Variants in TMEM163 observed in about 807,000 individuals in gnomAD.
TMEM163 encodes transmembrane protein 163.
A neutral mutation model predicts 29.3 loss-of-function variants in TMEM163; 17 were observed. The ratio of observed to expected loss-of-function variants is 0.58; its 90% CI spans 0.40 to 0.87. The LOEUF is 0.87. Ranked by LOEUF, TMEM163 falls within the 40% of genes least tolerant of loss-of-function variation. The pLI, the probability that TMEM163 is intolerant of heterozygous loss-of-function variation, is 0.00. For missense variants in TMEM163, 303 were observed against 381.5 expected (o/e 0.79, Z 1.71); for synonymous variants, 157 against 160.6 (o/e 0.98, Z 0.17).
intron 2 of TMEM163, among the ~76,000 whole-genome samples, chr2:134,597,047 T>C (rs1255991306): frequency 6.6e-6 from 1 of 152,234 alleles, no homozygotes; most frequent in Non-Finnish European, 1.5e-5. Context: ...TATACAATCA[T>C]GTCATCTGCA....
intron 4 of TMEM163, among the ~76,000 whole-genome samples, chr2:134,542,664 G>C: frequency 6.6e-6 from 1 of 152,182 alleles, no homozygotes; most frequent in East Asian, 1.9e-4. Context: ...ACCCCAGTCC[G>C]CGGAAAAATT....
At chr2:134,556,177 G>C (rs1241328409) in intron 2 of TMEM163, among the ~76,000 whole-genome samples, 1 of 152,120 alleles carries the variant, frequency 6.6e-6, no homozygotes, top group Non-Finnish European at 1.5e-5. Flanking sequence ...GACTCCCGAA[G>C]ACAGACTGAA....
chr2:134,677,712 A>T (rs1684146042), intron 2 of TMEM163, among the ~76,000 whole-genome samples: 1 of 152,252 alleles, frequency 6.6e-6, no homozygotes, highest in African/African-American at 2.4e-5. Context: ...TGAGATACAG[A>T]AGAGTAGAGG....
At chr2:134,656,763 A>G (rs1683629991) in intron 2 of TMEM163, among the ~76,000 whole-genome samples, 1 of 152,196 alleles carries the variant, frequency 6.6e-6, no homozygotes, top group Admixed American at 6.5e-5. Context: ...TTTGAGATAT[A>G]TCCCTTCAGT....
rs75309180 is a variant in TMEM163, at chr2:134,497,613, C to T, written c.555+5288G>A. On this transcript the variant is annotated intron_variant, in intron 5 of 7. Transcript: ENST00000281924. ...TCATCTTCTTCCTTTGTAAAGCGTG[C>T]GACTGTTTATAAAGCATTTCTACAT... Among the ~76,000 whole-genome samples the T allele has an allele frequency of 1.2e-3, 190 of 152,276 alleles. 5 individuals are homozygous for T. In the East Asian group the frequency reaches 0.034, roughly 27 times the overall value.
intron 5 of TMEM163, among the ~76,000 whole-genome samples, chr2:134,485,298 T>C (rs1679283180): frequency 6.6e-6 from 1 of 152,220 alleles, no homozygotes; most frequent in African/African-American, 2.4e-5. Context: ...ATGTAATGCA[T>C]TGAATACTGT....
intron 2 of TMEM163, among the ~76,000 whole-genome samples, chr2:134,700,187 A>G (rs1266198372): frequency 1.3e-5 from 2 of 152,130 alleles, no homozygotes; most frequent in South Asian, 2.1e-4. Flanking sequence ...TCTGCTGTCT[A>G]CTGATTAAGG....
At chr2:134,458,541 A>G (rs186184540) in intron 6 of TMEM163, 11 of 205,340 alleles carry the variant, frequency 5.4e-5, no homozygotes, top group Non-Finnish European at 8.1e-5. Context: ...CTCACAGTAG[A>G]CATTCAAATA....
chr2:134,626,230 G>A (rs112868946), intron 2 of TMEM163, among the ~76,000 whole-genome samples: 9 of 148,764 alleles, frequency 6.0e-5, no homozygotes, highest in South Asian at 2.2e-4. Context: ...TCAGCCTCCC[G>A]AGTAACTGGC....
chr2:134,489,652 T>C (rs57504074), intron 5 of TMEM163, among the ~76,000 whole-genome samples: 12,346 of 152,176 alleles, frequency 0.081, 775 homozygotes, highest in East Asian at 0.26. Flanking sequence ...TTATAGTTCC[T>C]ATGATATGAT....
At chr2:134,546,300 A>G (rs867901017) in intron 4 of TMEM163, among the ~76,000 whole-genome samples, 2 of 152,318 alleles carry the variant, frequency 1.3e-5, no homozygotes, top group Admixed American at 6.5e-5. Flanking sequence ...ATGTCCATCG[A>G]TGGATGAATG....
chr2:134,681,423 C>T (rs565027947), intron 2 of TMEM163, among the ~76,000 whole-genome samples: 1 of 152,198 alleles, frequency 6.6e-6, no homozygotes, highest in African/African-American at 2.4e-5. Flanking sequence ...CTCAGCCAAC[C>T]ACTGGCAATT....
intron 2 of TMEM163, among the ~76,000 whole-genome samples, chr2:134,648,121 T>C (rs534536792): frequency 1.3e-5 from 2 of 152,044 alleles, no homozygotes; most frequent in Admixed American, 1.3e-4. Context: ...TTATTGGCGA[T>C]GAAAGTGGCT....
chr2:134,645,044 G>A (rs1683303791), intron 2 of TMEM163, among the ~76,000 whole-genome samples: 1 of 152,168 alleles, frequency 6.6e-6, no homozygotes, highest in South Asian at 2.1e-4. Context: ...TTAGGGAAAT[G>A]CAAACTAAAA....
chr2:134,565,498 C>T (rs910288254), intron 2 of TMEM163, among the ~76,000 whole-genome samples: 3 of 151,008 alleles, frequency 2.0e-5, no homozygotes, highest in African/African-American at 7.3e-5. Flanking sequence ...CCCAGCTACT[C>T]GGGAGGCTGA....
chr2:134,693,491 C>A (rs1684517668), intron 2 of TMEM163, among the ~76,000 whole-genome samples: 1 of 151,808 alleles, frequency 6.6e-6, no homozygotes, highest in Non-Finnish European at 1.5e-5. Context: ...TGCCTGTAAT[C>A]CTGGCTACTC....
chr2:134,587,032 C>T (rs1011888123), intron 2 of TMEM163, among the ~76,000 whole-genome samples: 3 of 151,704 alleles, frequency 2.0e-5, no homozygotes, highest in Non-Finnish European at 4.4e-5. Flanking sequence ...AAGATCTCAT[C>T]TGTGAGTCCT....
At chr2:134,678,695 G>A (rs1294795498) in intron 2 of TMEM163, among the ~76,000 whole-genome samples, 1 of 152,196 alleles carries the variant, frequency 6.6e-6, no homozygotes, top group African/African-American at 2.4e-5. Flanking sequence ...CAGGTCGACT[G>A]GGCTGCAAGT....
chr2:134,561,670 C>T (rs1011564868), intron 2 of TMEM163, among the ~76,000 whole-genome samples: 2 of 152,220 alleles, frequency 1.3e-5, no homozygotes, highest in African/African-American at 4.8e-5. Flanking sequence ...TGCTCTTACA[C>T]CTCCTTGTGC....
Sources: allele counts gnomAD v4.1 joint callset (sites outside exome capture counted in the v4.1 genomes callset), GRCh38; gene constraint gnomAD v4.1.1; transcripts MANE v1.5; gene names NCBI Gene and HGNC (gene_info 2026-07-23, HGNC 2026-07-21).